Variants in DBN1 observed in about 807,000 individuals in gnomAD.
DBN1 encodes drebrin 1.
In DBN1, 21 loss-of-function variants were observed where a neutral mutation model predicts 83.5. That is an observed-to-expected ratio of 0.25 (90% confidence interval 0.18 to 0.36). DBN1 has a LOEUF of 0.36. Among genes scored for constraint, DBN1 ranks in the 10% least tolerant of loss-of-function variants. The pLI, the probability that DBN1 is intolerant of heterozygous loss-of-function variation, is 1.00. For missense variants in DBN1, 874 were observed against 935.7 expected (o/e 0.93, Z 0.86); for synonymous variants, 381 against 384.9 (o/e 0.99, Z 0.12).
chr5:177,459,988 G>A (rs571783656), intron 10 of DBN1, among the ~76,000 whole-genome samples: 3 of 152,216 alleles, frequency 2.0e-5, no homozygotes, highest in Non-Finnish European at 2.9e-5. Context: ...ACTCAGACCA[G>A]CAGACAGGGC....
chr5:177,471,576 C>T (rs1176163152), intron 1 of DBN1, among the ~76,000 whole-genome samples: 1 of 152,136 alleles, frequency 6.6e-6, no homozygotes, highest in Non-Finnish European at 1.5e-5. Flanking sequence ...CACTGCACCC[C>T]TGGTTCCATG....
Position 177,457,665 on chromosome 5 carries a change from G to T in DBN1, c.2007C>A (p.Asn669Lys). 6.2e-7 allele frequency: 1 copy of T among 1,600,598 alleles called. No individual in the cohort carries two copies. Among genetic ancestry groups the T allele is most frequent in the Non-Finnish European group, 8.6e-7 (1 of 1,168,684 alleles). The change falls in exon 14 of 15, where the codon AAC (asparagine) becomes AAA (lysine). Residue 669 changes from asparagine (N) to lysine (K), a missense_variant. Asn to Lys is a moderately conservative substitution (Grantham distance 94, BLOSUM62 0). Coordinates refer to ENST00000393565, the MANE Select transcript of DBN1 (RefSeq NM_001363541.2). ...CCAGCCCAGTACTACCTGGAGGCTT[G>T]TTGTAGAACACAGGAGGCGGAGCCT... ...CAKAPPPVFYNKPPEIDITCW... is the reference protein window; with the variant it reads ...CAKAPPPVFYKKPPEIDITCW...
In DBN1 at chr5:177,459,153, A is replaced by T; in HGVS notation, c.1209T>A (p.Asp403Glu). The T allele has an allele frequency of 6.2e-7, 1 of 1,611,012 alleles. No individual in the cohort carries two copies. ...PVAEQIERAL[D>E]EVTSSQPPPL... is the part of the protein sequence containing the mutation. ...GTGGAGGCTGCGAGGAGGTGACCTCATCCAGGGCCCGCTCTATCTGCTCAG... is the reference window on the plus strand; with the variant it reads ...GTGGAGGCTGCGAGGAGGTGACCTCTTCCAGGGCCCGCTCTATCTGCTCAG... Residue 403 changes from aspartate to glutamate, a missense_variant, in exon 12 of 15, where the codon GAT becomes GAA. Asp to Glu is a conservative substitution (Grantham distance 45). Coordinates refer to ENST00000393565, the MANE Select transcript of DBN1 (RefSeq NM_001363541.2).
rs1757563430 is a variant in DBN1 at position 177,467,859 on chromosome 5, G to C, written c.256-42C>G. 1 of 1,583,084 alleles carries C rather than the reference G, an allele frequency of 6.3e-7. No homozygotes were observed. The highest frequency in any genetic ancestry group is 1.4e-5 in the African/African-American group (1 of 74,046). ...AAAGAGGGGGTCAGGAAAGGACAAG[G>C]GGGGCCCTACACGATAGGGTGCATC... On this transcript the variant is annotated intron_variant, in intron 3 of 14. Transcript: ENST00000393565. This position sits in a 1 kb window ranked among gnomAD's most constrained non-coding sequence, Gnocchi z 9.1.
rs549572184 is a variant in DBN1, at chr5:177,471,517, C to G, written c.86+1919G>C. ...GCAGACAGCAATTTACCCAAGACAC[C>G]CCTCCCTCTGGACCTATGTGCAGGG... On this transcript the variant is annotated intron_variant, in intron 1 of 14. Transcript: ENST00000393565. Among the ~76,000 whole-genome samples the G allele has an allele frequency of 1.1e-4, 17 of 152,178 alleles. No individual in the cohort carries two copies. In the South Asian group the frequency reaches 3.3e-3, roughly 30 times the overall value.
At chr5:177,463,579 G>T (rs1757198920) in intron 8 of DBN1, among the ~76,000 whole-genome samples, 1 of 152,226 alleles carries the variant, frequency 6.6e-6, no homozygotes, top group Admixed American at 6.5e-5. Flanking sequence ...ATTTCACAGT[G>T]CTAAATCCCA....
In DBN1 at chr5:177,472,137, T is replaced by A. The variant is rs1240060228; in HGVS notation, c.86+1299A>T. 3.1e-6 allele frequency: 5 copies of A among 1,611,694 alleles called. No homozygotes were observed. In the Admixed American group the frequency reaches 5.0e-5, roughly 16 times the overall value. The stretch of plus-strand genomic sequence containing the variant: ...GACTGACCTGCAGGACACGAGAGCT[T>A]GTCTCTCGCGTCCATCCCTCCAGGC... On this transcript the variant is annotated intron_variant, in intron 1 of 14. Coordinates refer to ENST00000393565, the MANE Select transcript of DBN1 (RefSeq NM_001363541.2).
chr5:177,467,503 T>C lies in DBN1; in HGVS notation c.455A>G (p.Glu152Gly), dbSNP rs1344678033. Residue 152 changes from glutamate (E) to glycine (G), a missense_variant, in exon 5 of 15, where the codon GAG becomes GGG. By Grantham distance (98) the Glu-to-Gly change is moderately conservative (BLOSUM62 -2). Around this residue, in one of 4 missense-constraint regions of DBN1, gnomAD observed 725 missense variants for 719.7 expected, o/e 1.01. Coordinates refer to ENST00000393565, the MANE Select transcript of DBN1 (RefSeq NM_001363541.2). This position sits in a 1 kb window ranked among gnomAD's most constrained non-coding sequence, Gnocchi z 9.1. The stretch of plus-strand genomic sequence containing the variant: ...AACCACGGGCTCTGCGTTCTCATCC[T>C]CTCGCAGCCGCAGTCGGTGCAGCAC... ...SPVLHRLRLREDENAEPVGTT... is the reference protein window; with the variant it reads ...SPVLHRLRLRGDENAEPVGTT... 6.3e-7 allele frequency: 1 copy of C among 1,580,980 alleles called. No homozygotes were observed. Among genetic ancestry groups the C allele is most frequent in the East Asian group, 2.3e-5 (1 of 42,846 alleles).
rs1756573998 is a variant in DBN1, at chr5:177,457,313, C to T, written c.*120G>A. On this transcript the variant is annotated 3_prime_UTR_variant, in exon 15 of 15. Coordinates refer to ENST00000393565, the MANE Select transcript of DBN1 (RefSeq NM_001363541.2). ...GAAGCGGCCAAGTCCCCAGCCAGGG[C>T]CGGAATCCGGAGTGGGTGCCAGGCG... The T allele has an allele frequency of 1.2e-6, 1 of 818,074 alleles. No homozygotes were observed. The highest frequency in any genetic ancestry group is 2.1e-6 in the Non-Finnish European group (1 of 474,614). 50.7% of individuals were successfully genotyped at this position (818,074 alleles called of 1,614,324 possible).
Position 177,458,124 on chromosome 5 carries a change from C to T in DBN1, c.1848G>A (p.Glu616=), listed in dbSNP as rs1190938423. ...PTLPSALEEL[E]QEQEPEPHLL... ...GGTGGGGCTCCGGCTCCTGCTCTTG[C>T]TCCAGCTCCTCAAGGGCTGAGGGCA... is the stretch of plus-strand genomic sequence containing the variant. Residue 616 remains glutamate (E), a synonymous_variant, in exon 13 of 15, where the codon GAG becomes GAA. Transcript: ENST00000393565. 1 of 1,613,566 alleles carries T rather than the reference C, an allele frequency of 6.2e-7. No individual in the cohort carries two copies. The highest frequency in any genetic ancestry group is 8.5e-7 in the Non-Finnish European group (1 of 1,180,024).
chr5:177,460,368 C>A (rs1756930451), intron 10 of DBN1, 64 bp downstream of exon 10: 4 of 1,609,176 alleles, frequency 2.5e-6, no homozygotes, highest in Non-Finnish European at 3.4e-6. Context: ...TGAGAGAGTC[C>A]CAGAGAGGCT....
At chr5:177,459,539 G>A (rs1029701995) in intron 11 of DBN1, 64 bp downstream of exon 11, 18 of 1,435,154 alleles carry the variant, frequency 1.3e-5, no homozygotes, top group Middle Eastern at 2.4e-4. Flanking sequence ...GAGTGAGGGC[G>A]GGGGGCTGCT....
intron 8 of DBN1, among the ~76,000 whole-genome samples, chr5:177,465,136 G>C (rs1299657730): frequency 6.6e-6 from 1 of 152,210 alleles, no homozygotes; most frequent in Admixed American, 6.5e-5. Context: ...CTGGGCGACA[G>C]AGCGAGATTC....
At position 177,467,758 on chromosome 5, in the gene DBN1, C is replaced by CA; in HGVS notation, c.314dup (p.Ala106GlyfsTer30). The CA allele has an allele frequency of 6.4e-7, 1 of 1,554,238 alleles. No homozygotes were observed. The highest frequency in any genetic ancestry group is 8.7e-7 in the Non-Finnish European group (1 of 1,148,762). ...TGACACGCACCTGGAAGAACTCCGCCACCTTAGCCACGTGGCTGGCACAAG... is the reference window on the plus strand; with the variant it reads ...TGACACGCACCTGGAAGAACTCCGCCAACCTTAGCCACGTGGCTGGCACAAG... On this transcript the variant is annotated frameshift_variant, in exon 4 of 15. Transcript: ENST00000393565. LOFTEE classifies it high-confidence loss of function. This position sits in a 1 kb window ranked among gnomAD's most constrained non-coding sequence, Gnocchi z 9.1.
At chr5:177,463,655 G>A (rs527909078) in intron 8 of DBN1, among the ~76,000 whole-genome samples, 1 of 152,334 alleles carries the variant, frequency 6.6e-6, no homozygotes, top group South Asian at 2.1e-4. Context: ...TGACCTGCTA[G>A]AATGTCCACT....
In DBN1 at chr5:177,466,894, C is replaced by T. The variant is rs370170524; in HGVS notation, c.707+17G>A. 26 of 1,613,214 alleles carry T rather than the reference C, an allele frequency of 1.6e-5. No homozygotes were observed. The highest frequency in any genetic ancestry group is 4.5e-5 in the East Asian group (2 of 44,868). ...GCGCCCGGGGGCCCCTGGAGCGCTC[C>T]GGGCGGGCAGGCTCACCTGTGCTCC... On this transcript the variant is annotated intron_variant, in intron 7 of 14. Coordinates refer to ENST00000393565, the MANE Select transcript of DBN1 (RefSeq NM_001363541.2). The surrounding 1 kb of genome is among the most constrained non-coding windows in gnomAD (Gnocchi z 4.8).
In DBN1 at chr5:177,467,835, AAG is replaced by A. The variant is rs1202666812; in HGVS notation, c.256-20_256-19del. 1 of 1,572,900 alleles carries A rather than the reference AAG, an allele frequency of 6.4e-7. No individual in the cohort carries two copies. Among genetic ancestry groups the A allele is most frequent in the Non-Finnish European group, 8.6e-7 (1 of 1,159,682 alleles). Reference sequence around the variant, plus strand: ...TCGCCCACCTGCAAAGTACCCAGCAAAGAGGGGGTCAGGAAAGGACAAGGGGG... The same window carrying A: ...TCGCCCACCTGCAAAGTACCCAGCAAAGGGGGTCAGGAAAGGACAAGGGGG... On this transcript the variant is annotated intron_variant, in intron 3 of 14. Coordinates refer to ENST00000393565, the MANE Select transcript of DBN1 (RefSeq NM_001363541.2). This position sits in a 1 kb window ranked among gnomAD's most constrained non-coding sequence, Gnocchi z 9.1.
At chr5:177,471,814 T>C (rs930241428) in intron 1 of DBN1, among the ~76,000 whole-genome samples, 7 of 152,056 alleles carry the variant, frequency 4.6e-5, no homozygotes, top group Non-Finnish European at 7.4e-5. Flanking sequence ...CAGGCCTGTG[T>C]TGAGCAGGAT....
chr5:177,467,434 C>T lies in DBN1; in HGVS notation c.477+47G>A. On this transcript the variant is annotated intron_variant, in intron 5 of 14. Transcript: ENST00000393565. The surrounding 1 kb of genome is among the most constrained non-coding windows in gnomAD (Gnocchi z 9.1). ...AGGGACCGGGCAGGCCAGACTCGGG[C>T]ACCAGGCCACGCAGGCAGAGCCCAC... 2 of 1,610,762 alleles carry T rather than the reference C, an allele frequency of 1.2e-6. No homozygotes were observed. Among genetic ancestry groups the T allele is most frequent in the East Asian group, 2.2e-5 (1 of 44,832 alleles).
Sources: gnomAD v4.1 joint callset for allele counts (sites outside exome capture counted in the v4.1 genomes callset) on GRCh38, gnomAD v4.1.1 for gene constraint, gnomAD v4.1.1 regional missense constraint, Gnocchi (gnomAD v3.1) non-coding constraint, MANE v1.5 for transcripts, NCBI Gene and HGNC (gene_info 2026-07-23, HGNC 2026-07-21) for gene names.